The following ANP32A variants were observed in gnomAD, a reference collection of about 807,000 sequenced individuals.
The protein encoded by ANP32A is acidic nuclear phosphoprotein 32 family member A, also known as acidic leucine-rich nuclear phosphoprotein 32 family member A.
Under a neutral mutation model 33.9 loss-of-function variants are expected in ANP32A, and 1 was observed. The ratio of observed to expected loss-of-function variants is 0.03; its 90% CI spans 0.01 to 0.14. The LOEUF is 0.14. Among genes scored for constraint, ANP32A ranks in the 10% least tolerant of loss-of-function variants. The pLI, the probability that ANP32A is intolerant of heterozygous loss-of-function variation, is 1.00. For missense variants in ANP32A, 155 were observed against 306.0 expected, an observed-to-expected ratio of 0.51 and a Z score of 3.68; for synonymous variants, 115 against 120.5, an observed-to-expected ratio of 0.95 and a Z score of 0.30.
intron 1 of ANP32A, among the ~76,000 whole-genome samples, chr15:68,810,715 G>A (rs892129151): frequency 6.6e-6 from 1 of 152,154 alleles, no homozygotes; most frequent in Non-Finnish European, 1.5e-5. Flanking sequence ...AGTGACTAGA[G>A]CCGTAGAAGA....
At chr15:68,804,216 C>A (rs1274779382) in intron 1 of ANP32A, among the ~76,000 whole-genome samples, 1 of 152,154 alleles carries the variant, frequency 6.6e-6, no homozygotes, top group Non-Finnish European at 1.5e-5. Flanking sequence ...AGTCAAGAGT[C>A]TAAGGTATTT....
intron 1 of ANP32A, among the ~76,000 whole-genome samples, chr15:68,806,891 C>A (rs1380089976): frequency 6.6e-6 from 1 of 152,248 alleles, no homozygotes; most frequent in Non-Finnish European, 1.5e-5. Context: ...CACTGGCAGC[C>A]AGGCAAGAGG....
At chr15:68,817,147 G>T (rs746769028) in intron 1 of ANP32A, among the ~76,000 whole-genome samples, 2 of 152,206 alleles carry the variant, frequency 1.3e-5, no homozygotes, top group African/African-American at 2.4e-5. Flanking sequence ...TGCCAGCATC[G>T]GAGGACCCGA....
chr15:68,818,582 A>T (rs1369514545), intron 1 of ANP32A, among the ~76,000 whole-genome samples: 1 of 151,952 alleles, frequency 6.6e-6, no homozygotes, highest in Non-Finnish European at 1.5e-5. Flanking sequence ...AAGCGTGAGA[A>T]ATCGCTCCCA....
chr15:68,806,618 A>T (rs1894229034), intron 1 of ANP32A, among the ~76,000 whole-genome samples: 1 of 152,234 alleles, frequency 6.6e-6, no homozygotes, highest in African/African-American at 2.4e-5. Flanking sequence ...TAAACTAGAC[A>T]AGGGCTAAAA....
intron 1 of ANP32A, among the ~76,000 whole-genome samples, chr15:68,793,975 CA>C (rs1175401544): frequency 3.3e-5 from 5 of 152,170 alleles, no homozygotes; most frequent in African/African-American, 1.2e-4. Context: ...CCTGAGGCAA[CA>C]AGGAAAGGTG....
At chr15:68,806,996 C>G (rs1894238426) in intron 1 of ANP32A, among the ~76,000 whole-genome samples, 1 of 152,252 alleles carries the variant, frequency 6.6e-6, no homozygotes, top group African/African-American at 2.4e-5. Context: ...ATGCTGCCCT[C>G]TGGCAGGGGG....
intron 1 of ANP32A, among the ~76,000 whole-genome samples, chr15:68,795,846 A>G (rs890240919): frequency 2.0e-5 from 3 of 151,468 alleles, no homozygotes; most frequent in Non-Finnish European, 4.4e-5. Context: ...TGTCAGTTCT[A>G]CCTCCCGCAG....
chr15:68,811,515 G>C (rs2140373369), intron 1 of ANP32A, among the ~76,000 whole-genome samples: 1 of 152,260 alleles, frequency 6.6e-6, no homozygotes, highest in South Asian at 2.1e-4. Context: ...GGAAGGGGTG[G>C]AGGCCTGAAA....
In ANP32A at chr15:68,783,068, T is replaced by C; in HGVS notation, c.527-15A>G. 2 of 1,551,636 alleles carry C rather than the reference T, an allele frequency of 1.3e-6. No homozygotes were observed. Among genetic ancestry groups the C allele is most frequent in the Non-Finnish European group, 1.7e-6 (2 of 1,146,970 alleles). ...ATACTCCTCCTCTGTGCAATCGAAA[T>C]GGGGAACGGAAACAGAACTAGTGGT... On this transcript the variant is annotated splice_polypyrimidine_tract_variant and intron_variant, in intron 4 of 6. Coordinates refer to ENST00000465139, the MANE Select transcript of ANP32A (RefSeq NM_006305.4).
intron 1 of ANP32A, among the ~76,000 whole-genome samples, chr15:68,815,561 G>C (rs1270574220): frequency 6.6e-6 from 1 of 152,216 alleles, no homozygotes; most frequent in Non-Finnish European, 1.5e-5. Flanking sequence ...GCTCATGACT[G>C]TACAAAAATT....
chr15:68,810,193 G>C (rs762281981), intron 1 of ANP32A, among the ~76,000 whole-genome samples: 8 of 152,196 alleles, frequency 5.3e-5, no homozygotes, highest in Non-Finnish European at 1.2e-4. Context: ...GCAGCACCTT[G>C]TTGGTCTTAT....
chr15:68,785,959 A>G (rs1893926503), intron 3 of ANP32A, among the ~76,000 whole-genome samples: 2 of 152,232 alleles, frequency 1.3e-5, no homozygotes, highest in South Asian at 2.1e-4. Flanking sequence ...CCTGAAAAGA[A>G]GTTCTGTGGG....
chr15:68,817,878 TC>T (rs1447358093), intron 1 of ANP32A, among the ~76,000 whole-genome samples: 1 of 150,506 alleles, frequency 6.6e-6, no homozygotes, highest in Non-Finnish European at 1.5e-5. Flanking sequence ...AAGACTCCGC[TC>T]CCCCCGCCCC....
At chr15:68,801,878 C>G (rs891400490) in intron 1 of ANP32A, 9 of 154,654 alleles carry the variant, frequency 5.8e-5, no homozygotes, top group Admixed American at 2.0e-4. Flanking sequence ...GGAACAAGGC[C>G]TGACTCCTCT....
chr15:68,803,545 A>G (rs755611797), intron 1 of ANP32A, among the ~76,000 whole-genome samples: 5 of 152,132 alleles, frequency 3.3e-5, no homozygotes, highest in Admixed American at 1.3e-4. Context: ...ACCCTCTTCA[A>G]TATCTCTGAG....
At position 68,780,838 on chromosome 15, in the gene ANP32A, G is replaced by T. The variant is rs1382274647; in HGVS notation, c.625-365C>A. ...TTCTCTGAGGAGAACAAGTTCCCGAGCAGACTCCCTGACGTGCAAAGTAGG... is the reference window on the plus strand; with the variant it reads ...TTCTCTGAGGAGAACAAGTTCCCGATCAGACTCCCTGACGTGCAAAGTAGG... On this transcript the variant is annotated intron_variant, in intron 5 of 6. Coordinates refer to ENST00000465139, the MANE Select transcript of ANP32A (RefSeq NM_006305.4). The surrounding 1 kb of genome is among the most constrained non-coding windows in gnomAD (Gnocchi z 4.3). 4 of 185,268 alleles carry T rather than the reference G, an allele frequency of 2.2e-5. No homozygotes were observed. The Admixed American group carries it at 2.2e-4, about 10-fold the overall frequency. The allele number at this position is 185,268 out of a possible 1,614,324, so 11.5% of individuals were successfully genotyped here.
chr15:68,812,455 A>C (rs1439688175), intron 1 of ANP32A, among the ~76,000 whole-genome samples: 1 of 152,170 alleles, frequency 6.6e-6, no homozygotes, highest in Non-Finnish European at 1.5e-5. Context: ...CCTAGGATTG[A>C]GTCCTTATGC....
rs1435037161 is a variant in ANP32A at position 68,784,158 on chromosome 15, T to G, written c.526+239A>C. ...GATATTTCCATGAGCATGGGACTCATGCTTTGTTCTTTTAGGGAAGTCAAC... is the reference window on the plus strand; with the variant it reads ...GATATTTCCATGAGCATGGGACTCAGGCTTTGTTCTTTTAGGGAAGTCAAC... On this transcript the variant is annotated intron_variant, in intron 4 of 6. Transcript: ENST00000465139. 5 of 581,952 alleles carry G rather than the reference T, an allele frequency of 8.6e-6. No homozygotes were observed. In the Admixed American group the frequency reaches 1.2e-4, roughly 14 times the overall value. 36.0% of individuals were successfully genotyped at this position (581,952 alleles called of 1,614,324 possible).
Sources: allele counts gnomAD v4.1 joint callset (sites outside exome capture counted in the v4.1 genomes callset), GRCh38; gene constraint gnomAD v4.1.1; non-coding constraint Gnocchi (gnomAD v3.1); transcripts MANE v1.5; gene names NCBI Gene and HGNC (gene_info 2026-07-23, HGNC 2026-07-21).